Variants in SPOCK1 observed in about 807,000 individuals in gnomAD.
SPOCK1 encodes the protein SPARC (osteonectin), cwcv and kazal like domains proteoglycan 1.
In SPOCK1, 23 loss-of-function variants were observed where a neutral mutation model predicts 55.3. That is an observed-to-expected ratio of 0.42 (90% confidence interval 0.30 to 0.59). The LOEUF (loss-of-function observed/expected upper bound fraction) is 0.59. SPOCK1 is among the 20% of genes least tolerant of loss of function. The pLI, the probability that SPOCK1 is intolerant of heterozygous loss-of-function variation, is 0.22. For synonymous variants in SPOCK1, 226 were observed against 221.0 expected (o/e 1.02, Z -0.20); for missense variants, 499 against 552.5 (o/e 0.90, Z 0.97).
At chr5:137,228,901 A>G (rs1755998957) in intron 3 of SPOCK1, among the ~76,000 whole-genome samples, 1 of 152,200 alleles carries the variant, frequency 6.6e-6, no homozygotes, top group Non-Finnish European at 1.5e-5. Context: ...ATCTAAATAT[A>G]CTTCTGCAAT....
At chr5:137,018,922 G>T (rs1232955533) in intron 6 of SPOCK1, among the ~76,000 whole-genome samples, 1 of 152,166 alleles carries the variant, frequency 6.6e-6, no homozygotes, top group Non-Finnish European at 1.5e-5. Context: ...CATTAAGAAT[G>T]TAATTGAAAA....
At chr5:137,328,517 C>T (rs751357390) in intron 2 of SPOCK1, among the ~76,000 whole-genome samples, 12 of 152,200 alleles carry the variant, frequency 7.9e-5, no homozygotes, top group African/African-American at 2.9e-4. Flanking sequence ...AAGCATTTAA[C>T]GCCGTGCCAG....
chr5:137,404,482 T>C (rs1752052990), intron 2 of SPOCK1, among the ~76,000 whole-genome samples: 1 of 149,912 alleles, frequency 6.7e-6, no homozygotes, highest in Non-Finnish European at 1.5e-5. Flanking sequence ...CGATCTTGGC[T>C]CACTGCAAAC....
At chr5:137,089,904 C>G (rs1011362346) in intron 5 of SPOCK1, among the ~76,000 whole-genome samples, 5 of 152,170 alleles carry the variant, frequency 3.3e-5, no homozygotes, top group African/African-American at 9.7e-5. Flanking sequence ...AAGAAAAGGG[C>G]CTCTTCTGAA....
At chr5:137,112,137 A>C (rs1753487429) in intron 5 of SPOCK1, among the ~76,000 whole-genome samples, 1 of 152,220 alleles carries the variant, frequency 6.6e-6, no homozygotes, top group Non-Finnish European at 1.5e-5. Flanking sequence ...TCTTTTGAAC[A>C]GCTGGCTATC....
intron 2 of SPOCK1, among the ~76,000 whole-genome samples, chr5:137,358,957 C>A (rs1750882701): frequency 6.6e-6 from 1 of 152,228 alleles, no homozygotes; most frequent in African/African-American, 2.4e-5. Context: ...ACAAAGCCTG[C>A]AGTATAGAAC....
chr5:137,337,879 G>A (rs971497774), intron 2 of SPOCK1, among the ~76,000 whole-genome samples: 1 of 152,174 alleles, frequency 6.6e-6, no homozygotes, highest in Admixed American at 6.5e-5. Flanking sequence ...TTGGTAGCAA[G>A]AATACACTCT....
intron 2 of SPOCK1, among the ~76,000 whole-genome samples, chr5:137,403,688 C>T (rs75376852): frequency 7.6e-6 from 1 of 130,874 alleles, no homozygotes; most frequent in East Asian, 2.3e-4. Flanking sequence ...TAGAGGGCAT[C>T]CAGGCAGCAC....
chr5:137,195,860 C>T (rs1755289608), intron 3 of SPOCK1, among the ~76,000 whole-genome samples: 1 of 152,172 alleles, frequency 6.6e-6, no homozygotes, highest in Non-Finnish European at 1.5e-5. Context: ...GATGCCAGCC[C>T]TCTGGGTAGT....
chr5:137,390,695 T>C (rs1171500586), intron 2 of SPOCK1, among the ~76,000 whole-genome samples: 1 of 152,198 alleles, frequency 6.6e-6, no homozygotes, highest in African/African-American at 2.4e-5. Flanking sequence ...TAACATGGCC[T>C]GTCTCAATTG....
intron 2 of SPOCK1, among the ~76,000 whole-genome samples, chr5:137,347,761 A>C (rs894268957): frequency 2.0e-5 from 3 of 151,962 alleles, no homozygotes; most frequent in East Asian, 1.9e-4. Context: ...ACAAAAAAAA[A>C]CCAGTCTCTT....
At chr5:137,366,702 TGA>T (rs1751074307) in intron 2 of SPOCK1, among the ~76,000 whole-genome samples, 1 of 152,218 alleles carries the variant, frequency 6.6e-6, no homozygotes, top group African/African-American at 2.4e-5. Flanking sequence ...GGAAGGGCTT[TGA>T]GTCCTGCCAA....
intron 2 of SPOCK1, among the ~76,000 whole-genome samples, chr5:137,338,728 G>A (rs1366020996): frequency 2.6e-5 from 4 of 151,804 alleles, no homozygotes; most frequent in Non-Finnish European, 4.4e-5. Flanking sequence ...GTGTGAGATG[G>A]TATCTCATTG....
chr5:136,988,489 C>A lies in SPOCK1; in HGVS notation c.861G>T (p.Ser287=), dbSNP rs770892032. The A allele has an allele frequency of 2.9e-5, 46 of 1,613,986 alleles. No individual in the cohort carries two copies. Among genetic ancestry groups the A allele is most frequent in the Non-Finnish European group, 3.7e-5 (44 of 1,180,016 alleles). ...YEPCIKPLFN[S]CDSFKDGKLS... Reference sequence around the variant, plus strand: ...GCTTGCCATCCTTGAAGGAGTCACACGAGTTGAAAAGAGGCTTGATACAGG... The same window carrying A: ...GCTTGCCATCCTTGAAGGAGTCACAAGAGTTGAAAAGAGGCTTGATACAGG... The change falls in exon 8 of 11, where the codon TCG becomes TCT. Residue 287 remains serine (S), a synonymous_variant. Transcript: ENST00000394945.
In SPOCK1 at chr5:137,078,743, CAATT is replaced by C. The variant is rs761225924; in HGVS notation, c.475-10918_475-10915del. On this transcript the variant is annotated intron_variant, in intron 5 of 10. Coordinates refer to ENST00000394945, the MANE Select transcript of SPOCK1 (RefSeq NM_004598.4). ...GGCAGCATTCCTGGCACATGGTAGACAATTAATCTTTGCTCCTTCCTCCATACCC... is the reference window on the plus strand; with the variant it reads ...GGCAGCATTCCTGGCACATGGTAGACAATCTTTGCTCCTTCCTCCATACCC... Among the ~76,000 whole-genome samples the C allele has an allele frequency of 3.3e-5, 5 of 152,294 alleles. No individual in the cohort carries two copies. The East Asian group carries it at 9.7e-4, about 29-fold the overall frequency.
intron 6 of SPOCK1, among the ~76,000 whole-genome samples, chr5:137,028,430 A>C (rs949584419): frequency 6.6e-6 from 1 of 152,158 alleles, no homozygotes; most frequent in Non-Finnish European, 1.5e-5. Context: ...AGTGGCTTTG[A>C]GCATGTTTAC....
intron 2 of SPOCK1, among the ~76,000 whole-genome samples, chr5:137,395,216 T>C (rs1487861564): frequency 2.6e-5 from 4 of 152,178 alleles, no homozygotes; most frequent in African/African-American, 4.8e-5. Flanking sequence ...GACCACAATG[T>C]TTTGTAAGGG....
intron 4 of SPOCK1, among the ~76,000 whole-genome samples, chr5:137,131,789 G>A (rs1340895131): frequency 3.0e-4 from 45 of 150,300 alleles, no homozygotes; most frequent in Admixed American, 2.5e-3. Flanking sequence ...TGGCTAACAG[G>A]GTGAAACCCC....
intron 8 of SPOCK1, among the ~76,000 whole-genome samples, chr5:136,987,416 A>G (rs1249929441): frequency 1.3e-5 from 2 of 152,224 alleles, no homozygotes; most frequent in African/African-American, 4.8e-5. Context: ...CAGATGTTCA[A>G]CCTAACTCAT....
Sources: allele counts gnomAD v4.1 joint callset (sites outside exome capture counted in the v4.1 genomes callset), GRCh38; gene constraint gnomAD v4.1.1; transcripts MANE v1.5; gene names NCBI Gene and HGNC (gene_info 2026-07-23, HGNC 2026-07-21).